The following ST7L variants were observed in gnomAD, a reference collection of about 807,000 sequenced individuals.
ST7L encodes the protein suppressor of tumorigenicity 7 protein-like.
In ST7L, 57 loss-of-function variants were observed where a neutral mutation model predicts 72.5. The ratio of observed to expected loss-of-function variants is 0.79; its 90% CI spans 0.64 to 0.98. The LOEUF (loss-of-function observed/expected upper bound fraction) is 0.98. Among genes scored for constraint, ST7L ranks in the 50% least tolerant of loss-of-function variants. ST7L has a pLI of 0.00. For missense variants in ST7L, 576 were observed against 672.2 expected (o/e 0.86, Z 1.58); for synonymous variants, 221 against 240.9 (o/e 0.92, Z 0.77).
chr1:112,520,189 C>A (rs1652790069), downstream of ST7L: 4 of 1,344,678 alleles, frequency 3.0e-6, no homozygotes, highest in South Asian at 2.6e-5. Flanking sequence ...AAAAGCGATT[C>A]TTTTTATCTT....
intron 3 of ST7L, among the ~76,000 whole-genome samples, chr1:112,604,138 T>C (rs1394316025): frequency 6.6e-6 from 1 of 152,236 alleles, no homozygotes; most frequent in Non-Finnish European, 1.5e-5. Context: ...TGAAATCCTG[T>C]CTCTACTAAA....
At chr1:112,531,899 T>C (rs1654448452) in intron 14 of ST7L, among the ~76,000 whole-genome samples, 1 of 152,042 alleles carries the variant, frequency 6.6e-6, no homozygotes, top group African/African-American at 2.4e-5. Flanking sequence ...CCTATTGGAG[T>C]CCTTCCATTC....
At chr1:112,592,946 G>A (rs1431725438) in intron 5 of ST7L, among the ~76,000 whole-genome samples, 1 of 151,562 alleles carries the variant, frequency 6.6e-6, no homozygotes, top group African/African-American at 2.4e-5. Flanking sequence ...TGGGGAGTTA[G>A]GAGAAAAAAA....
Position 112,551,138 on chromosome 1 carries a change from C to CTTTTTTT in ST7L, c.1397-452_1397-446dup, listed in dbSNP as rs567601091. 1.5e-3 allele frequency among the ~76,000 whole-genome samples: 112 copies of CTTTTTTT among 77,224 alleles called. 12 individuals are homozygous for CTTTTTTT. Among genetic ancestry groups the CTTTTTTT allele is most frequent in the African/African-American group, 6.9e-3 (109 of 15,784 alleles). The allele number at this position is 77,224 out of a possible 152,430, so 50.7% of individuals were successfully genotyped here. Reference sequence around the variant, plus strand: ...TCACCAAAGCTTTCTATGAGCAGATCTTTTTTTTTTTTTTTTTTTTTTTTT... The same window carrying CTTTTTTT: ...TCACCAAAGCTTTCTATGAGCAGATCTTTTTTTTTTTTTTTTTTTTTTTTTTTTTTTT... On this transcript the variant is annotated intron_variant, in intron 12 of 14. Transcript: ENST00000358039.
intron 3 of ST7L, among the ~76,000 whole-genome samples, chr1:112,604,948 G>A (rs1480268260): frequency 1.3e-5 from 2 of 148,312 alleles, no homozygotes; most frequent in Non-Finnish European, 3.0e-5. Flanking sequence ...ATAGCTGGGC[G>A]TGGTGGTGCA....
chr1:112,604,016 A>G (rs764863662), intron 3 of ST7L, among the ~76,000 whole-genome samples: 1 of 152,166 alleles, frequency 6.6e-6, no homozygotes, highest in Non-Finnish European at 1.5e-5. Flanking sequence ...CATATATAAT[A>G]CATTAATTCG....
intron 11 of ST7L, among the ~76,000 whole-genome samples, chr1:112,575,565 T>C (rs1571122676): frequency 1.3e-5 from 2 of 152,174 alleles, no homozygotes; most frequent in South Asian, 4.1e-4. Context: ...AAGTGACTAA[T>C]GGGCGGGTAG....
intron 9 of ST7L, among the ~76,000 whole-genome samples, chr1:112,578,734 A>G (rs1558010083): frequency 1.3e-5 from 2 of 152,202 alleles, no homozygotes; most frequent in African/African-American, 2.4e-5. Flanking sequence ...AGATTGCGCC[A>G]TTGCGCTCCA....
intron 5 of ST7L, among the ~76,000 whole-genome samples, chr1:112,594,606 TA>T (rs1666169593): frequency 6.6e-6 from 1 of 152,202 alleles, no homozygotes; most frequent in Non-Finnish European, 1.5e-5. Flanking sequence ...GGCCAAGTGG[TA>T]AGTTCTAGGC....
chr1:112,564,226 G>T (rs1372113103), intron 11 of ST7L, among the ~76,000 whole-genome samples: 1 of 152,180 alleles, frequency 6.6e-6, no homozygotes, highest in Non-Finnish European at 1.5e-5. Flanking sequence ...GAAGGGAAAA[G>T]GAAAGGAGGC....
rs1237204704 is a variant in ST7L at position 112,578,335 on chromosome 1, T to A, written c.1142+10A>T. The A allele has an allele frequency of 4.3e-6, 7 of 1,612,798 alleles. No individual in the cohort carries two copies. The African/African-American group carries it at 9.3e-5, about 21-fold the overall frequency. On this transcript the variant is annotated intron_variant, in intron 10 of 14. Coordinates refer to ENST00000358039, the MANE Select transcript of ST7L (RefSeq NM_017744.5). ...TCTTTCCAAATCATTGTAGTTTTTA[T>A]AACACGTACTTTTCTGAAACAGTCC...
rs1654530774 is a variant in ST7L, at chr1:112,532,414, G to C, written c.1630-6303C>G. 2.0e-5 allele frequency among the ~76,000 whole-genome samples: 3 copies of C among 152,272 alleles called. No homozygotes were observed. The South Asian group carries it at 6.2e-4, about 32-fold the overall frequency. On this transcript the variant is annotated intron_variant, in intron 14 of 14. Transcript: ENST00000358039. ...CCTGGGAGTAAAAGCATGAGCTCTG[G>C]CTTCAGAAAGAAACTGGGACTGCAG... is the stretch of plus-strand genomic sequence containing the variant.
intron 14 of ST7L, among the ~76,000 whole-genome samples, chr1:112,541,632 CA>C (rs1446188030): frequency 1.3e-5 from 2 of 152,086 alleles, no homozygotes; most frequent in African/African-American, 4.8e-5. Context: ...GGTTTGTTTA[CA>C]AAATAGGGTA....
At chr1:112,571,567 C>T (rs1368255784) in intron 11 of ST7L, among the ~76,000 whole-genome samples, 2 of 152,132 alleles carry the variant, frequency 1.3e-5, no homozygotes, top group East Asian at 1.9e-4. Flanking sequence ...GCTGGGGTTA[C>T]AGGCATGTGC....
At chr1:112,585,897 G>A (rs1034329698) in intron 6 of ST7L, among the ~76,000 whole-genome samples, 1 of 152,142 alleles carries the variant, frequency 6.6e-6, no homozygotes, top group Non-Finnish European at 1.5e-5. Flanking sequence ...TCAGCAAGAG[G>A]AGAGAAATTA....
chr1:112,607,927 C>T (rs1389627110), intron 3 of ST7L, among the ~76,000 whole-genome samples: 1 of 152,094 alleles, frequency 6.6e-6, no homozygotes, highest in African/African-American at 2.4e-5. Context: ...TTCCCCCCAG[C>T]ATATATGTCT....
At chr1:112,541,111 C>T (rs1396956337) in intron 14 of ST7L, among the ~76,000 whole-genome samples, 1 of 151,566 alleles carries the variant, frequency 6.6e-6, no homozygotes, top group African/African-American at 2.4e-5. Flanking sequence ...ATGGCAAAAC[C>T]CTGCCTCTAC....
At chr1:112,565,574 G>A (rs1238355674) in intron 11 of ST7L, among the ~76,000 whole-genome samples, 1 of 151,940 alleles carries the variant, frequency 6.6e-6, no homozygotes, top group Non-Finnish European at 1.5e-5. Flanking sequence ...CTATTATTAC[G>A]TTATTAGCTA....
At chr1:112,542,430 T>C (rs1656257537) in intron 13 of ST7L, among the ~76,000 whole-genome samples, 1 of 152,152 alleles carries the variant, frequency 6.6e-6, no homozygotes, top group Non-Finnish European at 1.5e-5. Context: ...GAAGTTGCTA[T>C]GGAGAGTTGT....
Sources: allele counts gnomAD v4.1 joint callset (sites outside exome capture counted in the v4.1 genomes callset), GRCh38; gene constraint gnomAD v4.1.1; transcripts MANE v1.5; gene names NCBI Gene and HGNC (gene_info 2026-07-23, HGNC 2026-07-21).